Variants in SOX5 observed in about 807,000 individuals in gnomAD.
SOX5 encodes the protein SRY-box transcription factor 5, also known as transcription factor SOX-5.
Under a neutral mutation model 92.0 loss-of-function variants are expected in SOX5, and 9 were observed. The ratio of observed to expected loss-of-function variants is 0.10; its 90% CI spans 0.06 to 0.17. SOX5 has a LOEUF of 0.17. Ranked by LOEUF, SOX5 falls within the 10% of genes least tolerant of loss-of-function variation. SOX5 has a pLI of 1.00. For synonymous variants in SOX5, 344 were observed against 336.3 expected (o/e 1.02, Z -0.25); for missense variants, 642 against 944.5 (o/e 0.68, Z 4.20).
At chr12:24,150,203 T>G (rs1951516001) in intron 4 of SOX5, among the ~76,000 whole-genome samples, 1 of 152,204 alleles carries the variant, frequency 6.6e-6, no homozygotes. Context: ...GTTTTTCTCC[T>G]TTACTAAAAT....
At chr12:24,133,049 AAT>A (rs746923957) in intron 4 of SOX5, among the ~76,000 whole-genome samples, 1 of 152,242 alleles carries the variant, frequency 6.6e-6, no homozygotes, top group Admixed American at 6.5e-5. Context: ...TACACATTTT[AAT>A]AGTTATATAA....
At chr12:23,772,839 A>G (rs1387056156) in intron 3 of SOX5, among the ~76,000 whole-genome samples, 1 of 152,210 alleles carries the variant, frequency 6.6e-6, no homozygotes, top group Non-Finnish European at 1.5e-5. Flanking sequence ...CATCATTGTC[A>G]TCAGCATCAT....
At chr12:24,117,293 A>G (rs1344545697) in intron 4 of SOX5, among the ~76,000 whole-genome samples, 2 of 152,206 alleles carry the variant, frequency 1.3e-5, no homozygotes, top group African/African-American at 4.8e-5. Context: ...AAGGGCTGCT[A>G]TCTATAATAC....
At chr12:23,869,546 T>C (rs1222864266) in intron 2 of SOX5, among the ~76,000 whole-genome samples, 5 of 152,082 alleles carry the variant, frequency 3.3e-5, no homozygotes. Context: ...GCACCTCTGT[T>C]TTGTTCTAAT....
rs148844150 is a variant in SOX5, at chr12:23,765,687, A to G, written c.482-9963T>C. Among the ~76,000 whole-genome samples the G allele has an allele frequency of 5.7e-3, 861 of 152,234 alleles. 13 individuals are homozygous for G. Among genetic ancestry groups the G allele is most frequent in the African/African-American group, 0.02 (831 of 41,562 alleles). ...GTATTATCTTTGCTTTTAATGGCAT[A>G]AAGTACCATTAGAACTATTAGACTA... On this transcript the variant is annotated intron_variant, in intron 3 of 14. Transcript: ENST00000451604.
intron 4 of SOX5, among the ~76,000 whole-genome samples, chr12:24,181,331 G>A (rs530877836): frequency 1.3e-5 from 2 of 152,264 alleles, no homozygotes; most frequent in Admixed American, 6.5e-5. Context: ...ATCTTGCCCT[G>A]TTGCTCAATA....
At chr12:23,852,460 A>G (rs1041757382) in intron 2 of SOX5, among the ~76,000 whole-genome samples, 1 of 152,170 alleles carries the variant, frequency 6.6e-6, no homozygotes, top group Non-Finnish European at 1.5e-5. Flanking sequence ...GGACAGTGCA[A>G]ACAGAAGTGA....
chr12:23,646,653 TC>T (rs2080889498), intron 7 of SOX5, among the ~76,000 whole-genome samples: 1 of 152,202 alleles, frequency 6.6e-6, no homozygotes, highest in Admixed American at 6.5e-5. Flanking sequence ...ATGTTCTCAA[TC>T]CTTTGTTGTC....
At chr12:23,573,548 T>C (rs1948690325) in intron 10 of SOX5, among the ~76,000 whole-genome samples, 2 of 152,204 alleles carry the variant, frequency 1.3e-5, no homozygotes, top group African/African-American at 2.4e-5. Context: ...TCATTCTTAT[T>C]CTAAGACACT....
At chr12:23,781,391 A>G (rs1026874509) in intron 3 of SOX5, among the ~76,000 whole-genome samples, 1 of 152,082 alleles carries the variant, frequency 6.6e-6, no homozygotes, top group Admixed American at 6.5e-5. Context: ...AACTGAAAAC[A>G]ACATGAAAAT....
At chr12:23,975,941 T>C (rs1948842217) in intron 4 of SOX5, among the ~76,000 whole-genome samples, 1 of 152,176 alleles carries the variant, frequency 6.6e-6, no homozygotes, top group Non-Finnish European at 1.5e-5. Flanking sequence ...GTATATTTCT[T>C]CTAGCTGTAG....
At chr12:23,696,457 A>G (rs1405496739) in intron 6 of SOX5, among the ~76,000 whole-genome samples, 1 of 151,836 alleles carries the variant, frequency 6.6e-6, no homozygotes, top group Non-Finnish European at 1.5e-5. Context: ...ATCTTCAGTG[A>G]TGTCCTTTTT....
intron 2 of SOX5, among the ~76,000 whole-genome samples, chr12:24,358,054 G>A (rs1394274575): frequency 2.0e-5 from 3 of 152,060 alleles, no homozygotes; most frequent in Middle Eastern, 3.2e-3. Flanking sequence ...ACAGTGTGTG[G>A]CACGTAACGG....
At chr12:23,774,188 T>C (rs1243958880) in intron 3 of SOX5, among the ~76,000 whole-genome samples, 6 of 152,220 alleles carry the variant, frequency 3.9e-5, no homozygotes. Context: ...GTTATAAATA[T>C]ACCTATAGAA....
intron 13 of SOX5, among the ~76,000 whole-genome samples, chr12:23,540,120 T>C (rs1470947318): frequency 2.0e-5 from 3 of 148,910 alleles, no homozygotes; most frequent in Non-Finnish European, 4.5e-5. Flanking sequence ...AGAGAAAAAA[T>C]ATCTACTTGA....
At chr12:23,549,662 A>G (rs1943812738) in intron 11 of SOX5, among the ~76,000 whole-genome samples, 1 of 151,938 alleles carries the variant, frequency 6.6e-6, no homozygotes, top group Non-Finnish European at 1.5e-5. Flanking sequence ...CAACATGTAA[A>G]AGTCCTGGGG....
At chr12:24,538,275 G>C (rs1219936543) in intron 1 of SOX5, among the ~76,000 whole-genome samples, 1 of 152,110 alleles carries the variant, frequency 6.6e-6, no homozygotes, top group African/African-American at 2.4e-5. Context: ...TTAAGGGAAA[G>C]CATTCAAAAC....
At chr12:24,026,429 T>C (rs1334405216) in intron 4 of SOX5, among the ~76,000 whole-genome samples, 1 of 151,722 alleles carries the variant, frequency 6.6e-6, no homozygotes, top group African/African-American at 2.4e-5. Context: ...GCCTTGACCA[T>C]AGAGAAGATG....
chr12:23,730,177 T>C (rs1363703269), intron 6 of SOX5, among the ~76,000 whole-genome samples: 1 of 151,716 alleles, frequency 6.6e-6, no homozygotes, highest in African/African-American at 2.4e-5. Context: ...ATAAAATTGC[T>C]AAAAGATGGG....
Sources: gnomAD v4.1 joint callset for allele counts (sites outside exome capture counted in the v4.1 genomes callset) on GRCh38, gnomAD v4.1.1 for gene constraint, MANE v1.5 for transcripts, NCBI Gene and HGNC (gene_info 2026-07-23, HGNC 2026-07-21) for gene names.